Variants in PCDH15 observed in about 807,000 individuals in gnomAD.
PCDH15 encodes the protein protocadherin related 15, also known as protocadherin-15.
PCDH15 carries 129 observed loss-of-function variants against 178.5 expected under a neutral mutation model. The observed-to-expected ratio is 0.72, with a 90% CI of 0.63 to 0.84. The LOEUF is 0.84. Ranked by LOEUF, PCDH15 falls within the 40% of genes least tolerant of loss-of-function variation. The pLI is 0.00. For synonymous variants in PCDH15, 800 were observed against 732.0 expected (o/e 1.09, Z -1.50); for missense variants, 2,230 against 2,099.9 (o/e 1.06, Z -1.21).
intron 18 of PCDH15, among the ~76,000 whole-genome samples, chr10:54,059,604 A>T (rs1378152362): frequency 4.6e-5 from 7 of 152,134 alleles, no homozygotes; most frequent in Non-Finnish European, 1.0e-4. Flanking sequence ...TGGCCCCAAC[A>T]CTAGGGTTTC....
chr10:55,476,853 T>A (rs180889700), intron 2 of PCDH15, among the ~76,000 whole-genome samples: 1 of 152,056 alleles, frequency 6.6e-6, no homozygotes, highest in East Asian at 1.9e-4. Flanking sequence ...CTGTAGATTG[T>A]CCCTGATTAT....
intron 8 of PCDH15, among the ~76,000 whole-genome samples, chr10:54,316,293 G>C (rs1428870279): frequency 6.6e-6 from 1 of 151,856 alleles, no homozygotes; most frequent in Non-Finnish European, 1.5e-5. Flanking sequence ...AAGCACTCTG[G>C]CTTTACATTT....
chr10:55,204,824 G>A (rs145444258), intron 1 of PCDH15, among the ~76,000 whole-genome samples: 3 of 152,028 alleles, frequency 2.0e-5, no homozygotes, highest in Non-Finnish European at 2.9e-5. Context: ...ACAGTTCTAC[G>A]TGGTGAGTAC....
chr10:55,105,665 T>C (rs72801639), intron 2 of PCDH15, among the ~76,000 whole-genome samples: 23,308 of 152,074 alleles, frequency 0.15, 2,416 homozygotes, highest in Non-Finnish European at 0.22. Flanking sequence ...AAGCAGCAGG[T>C]ATGTTTATTG....
intron 2 of PCDH15, among the ~76,000 whole-genome samples, chr10:55,509,991 T>C (rs1840844015): frequency 6.6e-6 from 1 of 151,942 alleles, no homozygotes; most frequent in Non-Finnish European, 1.5e-5. Flanking sequence ...GGATTAGAAC[T>C]CGAGTCTCCT....
chr10:54,164,793 G>A (rs2046051741), intron 13 of PCDH15, among the ~76,000 whole-genome samples: 1 of 151,850 alleles, frequency 6.6e-6, no homozygotes, highest in Non-Finnish European at 1.5e-5. Context: ...GAGTGCAGAT[G>A]ACTTAGAAGT....
At chr10:55,183,546 A>T (rs1419152752) in intron 1 of PCDH15, among the ~76,000 whole-genome samples, 1 of 152,072 alleles carries the variant, frequency 6.6e-6, no homozygotes, top group South Asian at 2.1e-4. Context: ...AGCCTGGGAA[A>T]CACTGTGAGA....
chr10:54,790,166 T>A (rs2133542508), intron 1 of PCDH15, among the ~76,000 whole-genome samples: 1 of 151,936 alleles, frequency 6.6e-6, no homozygotes, highest in South Asian at 2.1e-4. Flanking sequence ...ACCAGACTTT[T>A]AAGTCAAAGA....
chr10:54,467,616 T>G (rs1186856760), intron 3 of PCDH15, among the ~76,000 whole-genome samples: 80 of 147,934 alleles, frequency 5.4e-4, no homozygotes, highest in African/African-American at 1.8e-3. Flanking sequence ...TTTTTTTTTT[T>G]TTTTTTTTTT....
chr10:53,968,043 C>T (rs895955400), intron 21 of PCDH15, among the ~76,000 whole-genome samples: 3 of 152,070 alleles, frequency 2.0e-5, no homozygotes, highest in Non-Finnish European at 4.4e-5. Flanking sequence ...GCCCATGGAG[C>T]AGGGTGGGGC....
chr10:55,131,825 C>T (rs1698063654), intron 2 of PCDH15, among the ~76,000 whole-genome samples: 1 of 152,102 alleles, frequency 6.6e-6, no homozygotes. Context: ...TATAGGCAGC[C>T]ATGGTTGGGC....
At chr10:54,778,876 C>T (rs1949979052) in intron 1 of PCDH15, among the ~76,000 whole-genome samples, 1 of 151,778 alleles carries the variant, frequency 6.6e-6, no homozygotes, top group Non-Finnish European at 1.5e-5. Context: ...GTTGAGGCAT[C>T]AAAGAAAAAA....
At chr10:54,896,164 G>C (rs1353141471) in intron 3 of PCDH15, among the ~76,000 whole-genome samples, 1 of 151,988 alleles carries the variant, frequency 6.6e-6, no homozygotes, top group Non-Finnish European at 1.5e-5. Context: ...GGATTGCAAG[G>C]GTTAGCCACC....
chr10:54,785,432 C>T (rs1266208946), intron 1 of PCDH15, among the ~76,000 whole-genome samples: 1 of 151,978 alleles, frequency 6.6e-6, no homozygotes, highest in Non-Finnish European at 1.5e-5. Context: ...ACCTAATAAG[C>T]ATTATGTATA....
chr10:53,866,910 C>T, intron 26 of PCDH15, 53 bp from the exon 27 acceptor site: 1 of 1,271,868 alleles, frequency 7.9e-7, no homozygotes, highest in South Asian at 1.2e-5. Flanking sequence ...AAAGATAACC[C>T]TTATGAAATG....
At position 54,651,993 on chromosome 10, in the gene PCDH15, C is replaced by T. The variant is rs552224628; in HGVS notation, c.91+12179G>A. Among the ~76,000 whole-genome samples the T allele has an allele frequency of 1.0e-3, 159 of 151,774 alleles. 1 individual carries two copies. Among genetic ancestry groups the T allele is most frequent in the African/African-American group, 3.6e-3 (151 of 41,436 alleles). On this transcript the variant is annotated intron_variant, in intron 2 of 37. Coordinates refer to ENST00000644397, the MANE Select transcript of PCDH15 (RefSeq NM_001384140.1). ...CAATGACAAAAAAAAAAAACCACAC[C>T]TACCTTCCCAGTTCTTATATGCAAG...
chr10:55,262,480 A>G (rs1033236320), intron 1 of PCDH15, among the ~76,000 whole-genome samples: 6 of 152,214 alleles, frequency 3.9e-5, no homozygotes, highest in Non-Finnish European at 7.3e-5. Flanking sequence ...GGATGCTGAG[A>G]GGAACACATC....
intron 25 of PCDH15, among the ~76,000 whole-genome samples, chr10:53,927,776 A>G (rs1379496963): frequency 6.6e-6 from 1 of 152,066 alleles, no homozygotes. Context: ...CTTCTCTGCT[A>G]TCATCCACAC....
At chr10:55,384,500 A>G (rs183402397) in intron 2 of PCDH15, among the ~76,000 whole-genome samples, 224 of 152,246 alleles carry the variant, frequency 1.5e-3, no homozygotes, top group African/African-American at 4.6e-3. Flanking sequence ...GCCATTACAA[A>G]ATGAAATTAA....
Sources: gnomAD v4.1 joint callset for allele counts (sites outside exome capture counted in the v4.1 genomes callset) on GRCh38, gnomAD v4.1.1 for gene constraint, MANE v1.5 for transcripts, NCBI Gene and HGNC (gene_info 2026-07-23, HGNC 2026-07-21) for gene names.